Variants in CACNA1E observed in about 807,000 individuals in gnomAD.
The protein encoded by CACNA1E is calcium voltage-gated channel subunit alpha1 E.
Under a neutral mutation model 259.2 loss-of-function variants are expected in CACNA1E, and 40 were observed. That is an observed-to-expected ratio of 0.15 (90% confidence interval 0.12 to 0.20). The LOEUF is 0.20. CACNA1E is among the 10% of genes least tolerant of loss of function. The pLI is 1.00. For missense variants in CACNA1E, 1,874 were observed against 3,040.1 expected (o/e 0.62, Z 9.02); for synonymous variants, 1,104 against 1,138.5 (o/e 0.97, Z 0.61).
chr1:181,358,049 G>C (rs1653587229), intron 1 of CACNA1E, among the ~76,000 whole-genome samples: 1 of 152,142 alleles, frequency 6.6e-6, no homozygotes, highest in Admixed American at 6.5e-5. Context: ...TAGTGTCAGG[G>C]GAGGCAGTAG....
chr1:181,715,919 A>G (rs1427996765), intron 9 of CACNA1E, 121 bp from the exon 10 acceptor site: 2 of 670,910 alleles, frequency 3.0e-6, no homozygotes, highest in Non-Finnish European at 5.4e-6. Flanking sequence ...TTAAAGGCAG[A>G]TAGATGCCTG....
intron 38 of CACNA1E, among the ~76,000 whole-genome samples, chr1:181,780,234 A>G (rs929343816): frequency 6.6e-6 from 1 of 152,222 alleles, no homozygotes; most frequent in African/African-American, 2.4e-5. Flanking sequence ...TCCCTACCTT[A>G]GGGTCCTGCC....
At chr1:181,326,875 T>C (rs1178018945) in intron 1 of CACNA1E, among the ~76,000 whole-genome samples, 1 of 152,134 alleles carries the variant, frequency 6.6e-6, no homozygotes, top group Non-Finnish European at 1.5e-5. Context: ...TGGGAGTCAT[T>C]TGTGACTCTT....
At chr1:181,697,868 A>C (rs945455614) in intron 7 of CACNA1E, among the ~76,000 whole-genome samples, 1 of 152,232 alleles carries the variant, frequency 6.6e-6, no homozygotes, top group African/African-American at 2.4e-5. Context: ...TGAAGAGCAG[A>C]TCTACTGTTG....
At chr1:181,577,573 T>C (rs1156619036) in intron 3 of CACNA1E, among the ~76,000 whole-genome samples, 193 bp from the exon 4 acceptor site, 1 of 152,172 alleles carries the variant, frequency 6.6e-6, no homozygotes, top group East Asian at 1.9e-4. Context: ...CTTTGCAAAG[T>C]AAAACCCAGA....
intron 1 of CACNA1E, among the ~76,000 whole-genome samples, chr1:181,337,730 A>G (rs1316107590): frequency 2.6e-5 from 4 of 152,196 alleles, no homozygotes; most frequent in Non-Finnish European, 5.9e-5. Context: ...TTCTGTACAT[A>G]TATCACAATT....
At chr1:181,671,983 C>T (rs1648850776) in intron 7 of CACNA1E, among the ~76,000 whole-genome samples, 1 of 152,162 alleles carries the variant, frequency 6.6e-6, no homozygotes, top group Non-Finnish European at 1.5e-5. Flanking sequence ...ATGGAATCAA[C>T]TTAAATGCTC....
intron 6 of CACNA1E, among the ~76,000 whole-genome samples, chr1:181,632,973 C>G (rs1656880173): frequency 6.6e-6 from 1 of 152,136 alleles, no homozygotes; most frequent in South Asian, 2.1e-4. Context: ...TTACTGTTGT[C>G]AATTACTTTT....
intron 21 of CACNA1E, 67 bp from the exon 22 acceptor site, chr1:181,736,208 A>G (rs1656015214): frequency 1.3e-6 from 2 of 1,518,094 alleles, no homozygotes; most frequent in African/African-American, 1.4e-5. Context: ...ATCCCCAACT[A>G]AACACAAATG....
chr1:181,610,633 T>C (rs1400545820), intron 6 of CACNA1E, among the ~76,000 whole-genome samples: 1 of 152,328 alleles, frequency 6.6e-6, no homozygotes, highest in Non-Finnish European at 1.5e-5. Context: ...TAAGGTCTTA[T>C]TTGCAGAGAC....
chr1:181,373,074 T>G (rs1230806248), intron 1 of CACNA1E, among the ~76,000 whole-genome samples: 1 of 152,180 alleles, frequency 6.6e-6, no homozygotes, highest in Non-Finnish European at 1.5e-5. Context: ...CCTATGTTCA[T>G]CAGGGATATT....
intron 3 of CACNA1E, 58 bp from the exon 4 acceptor site, chr1:181,577,707 TG>T: frequency 8.4e-7 from 1 of 1,186,098 alleles, no homozygotes; most frequent in Non-Finnish European, 1.2e-6. Context: ...GCTTCCTGCA[TG>T]GAACAAGAGG....
chr1:181,435,375 A>G (rs1476660875), intron 2 of CACNA1E, among the ~76,000 whole-genome samples: 2 of 152,198 alleles, frequency 1.3e-5, no homozygotes, highest in Admixed American at 6.5e-5. Context: ...TGCTCCCCCT[A>G]CTGAAAATGT....
upstream of CACNA1E, chr1:181,483,482 C>T (rs527416161): frequency 5.9e-6 from 2 of 338,238 alleles, no homozygotes; most frequent in African/African-American, 2.1e-5. Context: ...CCCTACCACC[C>T]GCTTTTTTTT....
chr1:181,686,115 A>C (rs1650510269), intron 7 of CACNA1E, among the ~76,000 whole-genome samples: 1 of 151,506 alleles, frequency 6.6e-6, no homozygotes, highest in Non-Finnish European at 1.5e-5. Flanking sequence ...CAGGCCCCTG[A>C]CTCCTAGTCA....
intron 6 of CACNA1E, among the ~76,000 whole-genome samples, chr1:181,589,496 G>A (rs898576935): frequency 2.0e-5 from 3 of 152,046 alleles, no homozygotes; most frequent in Admixed American, 6.6e-5. Flanking sequence ...TAAATATAGC[G>A]AATAATTGGG....
chr1:181,505,142 A>G (rs12405860), intron 1 of CACNA1E, among the ~76,000 whole-genome samples: 11,356 of 152,164 alleles, frequency 0.075, 612 homozygotes, highest in South Asian at 0.26. Flanking sequence ...TGGCCATCGC[A>G]TTCCTCCTCA....
At chr1:181,333,810 C>T (rs1651476052) in intron 1 of CACNA1E, among the ~76,000 whole-genome samples, 2 of 152,148 alleles carry the variant, frequency 1.3e-5, no homozygotes, top group Admixed American at 1.3e-4. Flanking sequence ...CATGTACCAC[C>T]ACGCCCGGCT....
intron 6 of CACNA1E, among the ~76,000 whole-genome samples, chr1:181,587,127 T>A (rs937533325): frequency 6.6e-6 from 1 of 152,156 alleles, no homozygotes; most frequent in African/African-American, 2.4e-5. Flanking sequence ...CGTGGGTAGA[T>A]GTGGTGTTGG....
Sources: allele counts gnomAD v4.1 joint callset (sites outside exome capture counted in the v4.1 genomes callset), GRCh38; gene constraint gnomAD v4.1.1; transcripts MANE v1.5; gene names NCBI Gene and HGNC (gene_info 2026-07-23, HGNC 2026-07-21).